The following STPG2 variants were observed in gnomAD, a reference collection of about 807,000 sequenced individuals.
STPG2 encodes the protein sperm tail PG-rich repeat containing 2.
In STPG2, 56 loss-of-function variants were observed where a neutral mutation model predicts 54.2. The observed-to-expected ratio is 1.03, with a 90% CI of 0.83 to 1.29. The LOEUF (loss-of-function observed/expected upper bound fraction) is 1.29. Ranked by LOEUF, STPG2 falls within the 50% of genes most tolerant of loss-of-function variation. The probability of loss-of-function intolerance (pLI) is 0.00; values close to 1 mark genes in which losing one functional copy is unlikely to be tolerated. For missense variants in STPG2, 596 were observed against 544.9 expected (o/e 1.09, Z -0.93); for synonymous variants, 200 against 181.8 (o/e 1.10, Z -0.81).
chr4:98,073,683 T>G (rs531149334), intron 5 of STPG2, among the ~76,000 whole-genome samples: 1 of 152,258 alleles, frequency 6.6e-6, no homozygotes, highest in South Asian at 2.1e-4. Context: ...GCCAAGATCG[T>G]GCCATTGCAC....
intron 3 of STPG2, among the ~76,000 whole-genome samples, chr4:98,120,764 A>T (rs1407558771): frequency 6.6e-6 from 1 of 151,520 alleles, no homozygotes; most frequent in Non-Finnish European, 1.5e-5. Context: ...GTTGTTTTTT[A>T]TTGTAAATTT....
At chr4:97,504,343 CTATAGTT>C (rs1283576663) in intron 4 of STPG2, among the ~76,000 whole-genome samples, 1 of 151,192 alleles carries the variant, frequency 6.6e-6, no homozygotes, top group African/African-American at 2.4e-5. Flanking sequence ...TAAAACTCAT[CTATAGTT>C]TATAGTCTAC....
At chr4:98,029,362 T>A (rs968971904) in intron 5 of STPG2, among the ~76,000 whole-genome samples, 1 of 152,176 alleles carries the variant, frequency 6.6e-6, no homozygotes, top group South Asian at 2.1e-4. Flanking sequence ...TGAATCTCTA[T>A]ACATGCATAT....
chr4:98,033,522 G>T (rs939224225), intron 5 of STPG2, among the ~76,000 whole-genome samples: 2 of 152,044 alleles, frequency 1.3e-5, no homozygotes, highest in South Asian at 4.1e-4. Flanking sequence ...TCTACCAAAG[G>T]TACAAAGTAG....
intron 10 of STPG2, among the ~76,000 whole-genome samples, chr4:97,634,883 T>C (rs1362968202): frequency 6.6e-6 from 1 of 151,724 alleles, no homozygotes; most frequent in Non-Finnish European, 1.5e-5. Context: ...CTGAAAGTGA[T>C]GGGGAGAATG....
At chr4:97,701,857 A>G (rs1485371658) in intron 10 of STPG2, among the ~76,000 whole-genome samples, 6 of 152,146 alleles carry the variant, frequency 3.9e-5, no homozygotes, top group Admixed American at 1.3e-4. Context: ...TTGACAGTTG[A>G]GTGCCACCAC....
chr4:97,659,422 G>A (rs1037409727), intron 10 of STPG2, among the ~76,000 whole-genome samples: 1 of 85,464 alleles, frequency 1.2e-5, no homozygotes, highest in Non-Finnish European at 2.3e-5. Context: ...ATAGACTTTA[G>A]ATCCCTACAG....
chr4:97,502,570 A>G (rs555321037), intron 4 of STPG2, among the ~76,000 whole-genome samples: 9 of 152,212 alleles, frequency 5.9e-5, no homozygotes, highest in Admixed American at 2.0e-4. Context: ...AAATCCAGAC[A>G]AACAAAAGAT....
chr4:98,135,515 T>C (rs924396570), intron 1 of STPG2, among the ~76,000 whole-genome samples: 23 of 151,810 alleles, frequency 1.5e-4, no homozygotes, highest in Non-Finnish European at 3.0e-4. Context: ...TCTAATGCCA[T>C]AATGGAAGAC....
At chr4:97,525,205 TTAATA>T (rs1260403258) in intron 4 of STPG2, among the ~76,000 whole-genome samples, 2 of 151,792 alleles carry the variant, frequency 1.3e-5, no homozygotes, top group Non-Finnish European at 2.9e-5. Flanking sequence ...TATTTTTAAT[TTAATA>T]TATTTAACTT....
chr4:98,082,160 T>C (rs1738365683), intron 5 of STPG2, among the ~76,000 whole-genome samples: 1 of 152,044 alleles, frequency 6.6e-6, no homozygotes, highest in Non-Finnish European at 1.5e-5. Context: ...CCTCAGGGAA[T>C]TTCTCTAGGC....
chr4:97,657,413 G>C (rs915118497), intron 10 of STPG2, among the ~76,000 whole-genome samples: 1 of 151,954 alleles, frequency 6.6e-6, no homozygotes, highest in African/African-American at 2.4e-5. Flanking sequence ...TCTTTATTTT[G>C]GTGAGTATAA....
chr4:97,479,247 C>CGT (rs546352893), intron 4 of STPG2, among the ~76,000 whole-genome samples: 214 of 151,758 alleles, frequency 1.4e-3, no homozygotes, highest in African/African-American at 5.0e-3. Flanking sequence ...AATCACTGAT[C>CGT]GTATATATGG....
chr4:97,978,814 G>A (rs1734576725), intron 6 of STPG2, among the ~76,000 whole-genome samples: 1 of 152,022 alleles, frequency 6.6e-6, no homozygotes, highest in Non-Finnish European at 1.5e-5. Flanking sequence ...AAGTAAGAAG[G>A]GGCTTAAAGG....
intron 4 of STPG2, among the ~76,000 whole-genome samples, chr4:97,539,467 G>A (rs201606504): frequency 6.6e-6 from 1 of 152,170 alleles, no homozygotes; most frequent in East Asian, 1.9e-4. Context: ...TAATGGTAAA[G>A]GGATCAATTC....
chr4:97,819,863 T>C (rs1048289747), intron 9 of STPG2, among the ~76,000 whole-genome samples: 3 of 152,108 alleles, frequency 2.0e-5, no homozygotes, highest in African/African-American at 4.8e-5. Flanking sequence ...AACCAAAACA[T>C]AACTTTTTAG....
At chr4:97,534,532 CT>C (rs200659861) in intron 4 of STPG2, among the ~76,000 whole-genome samples, 9 of 151,442 alleles carry the variant, frequency 5.9e-5, no homozygotes, top group South Asian at 4.2e-4. Flanking sequence ...TTTGAAAAGA[CT>C]TTTTTTTTCC....
chr4:97,813,677 T>TAAAAAAAA (rs869298230), intron 9 of STPG2, among the ~76,000 whole-genome samples: 31 of 45,932 alleles, frequency 6.7e-4, no homozygotes, highest in African/African-American at 1.2e-3. Flanking sequence ...CCCTGTCTCT[T>TAAAAAAAA]AAAAAAAAAA....
intron 8 of STPG2, among the ~76,000 whole-genome samples, chr4:97,878,976 G>A (rs772964878): frequency 1.1e-4 from 17 of 152,188 alleles, no homozygotes; most frequent in African/African-American, 2.4e-4. Flanking sequence ...GCCAGATACC[G>A]TAAATCATCT....
Sources: allele counts gnomAD v4.1 joint callset (sites outside exome capture counted in the v4.1 genomes callset), GRCh38; gene constraint gnomAD v4.1.1; transcripts MANE v1.5; gene names NCBI Gene and HGNC (gene_info 2026-07-23, HGNC 2026-07-21).